The following GKAP1 variants were observed in gnomAD, a reference collection of about 807,000 sequenced individuals.
The protein encoded by GKAP1 is G kinase anchoring protein 1.
In GKAP1, 31 loss-of-function variants were observed where a neutral mutation model predicts 56.7. The observed-to-expected ratio is 0.55, with a 90% CI of 0.41 to 0.74. GKAP1 has a LOEUF of 0.74. Ranked by LOEUF, GKAP1 falls within the 30% of genes least tolerant of loss-of-function variation. The pLI is 0.00. For synonymous variants in GKAP1, 151 were observed against 138.6 expected (o/e 1.09, Z -0.63); for missense variants, 364 against 402.3 (o/e 0.90, Z 0.82).
chr9:83,770,725 G>T (rs907087069), intron 7 of GKAP1, among the ~76,000 whole-genome samples: 2 of 151,848 alleles, frequency 1.3e-5, no homozygotes, highest in Non-Finnish European at 2.9e-5. Context: ...CCACGCCCAG[G>T]TAATTTAGTA....
chr9:83,748,438 C>A, intron 9 of GKAP1, 66 bp from the exon 10 acceptor site: 3 of 870,300 alleles, frequency 3.4e-6, no homozygotes, highest in South Asian at 1.6e-5. Flanking sequence ...GATTTACTGT[C>A]AACTTACAGA....
At chr9:83,770,516 A>C (rs1943739129) in intron 7 of GKAP1, among the ~76,000 whole-genome samples, 1 of 151,150 alleles carries the variant, frequency 6.6e-6, no homozygotes, top group Non-Finnish European at 1.5e-5. Flanking sequence ...CCAGTACCAG[A>C]TTGTCTTGAT....
intron 6 of GKAP1, among the ~76,000 whole-genome samples, chr9:83,781,040 G>A (rs930137826): frequency 6.6e-5 from 10 of 152,136 alleles, no homozygotes; most frequent in African/African-American, 2.4e-4. Context: ...ATTATCAAGA[G>A]CAGAATGAGG....
intron 7 of GKAP1, among the ~76,000 whole-genome samples, chr9:83,770,849 T>C (rs1489964184): frequency 6.6e-6 from 1 of 151,764 alleles, no homozygotes; most frequent in African/African-American, 2.4e-5. Context: ...TATGAGACAC[T>C]GCGTCCGGCG....
chr9:83,802,805 A>G (rs916515104), intron 3 of GKAP1, among the ~76,000 whole-genome samples: 3 of 151,846 alleles, frequency 2.0e-5, no homozygotes, highest in East Asian at 3.9e-4. Flanking sequence ...CAGCCTGGAC[A>G]AGAGAGAGAG....
At chr9:83,813,560 GC>G (rs1227534629) in intron 2 of GKAP1, among the ~76,000 whole-genome samples, 2 of 152,102 alleles carry the variant, frequency 1.3e-5, no homozygotes, top group Non-Finnish European at 2.9e-5. Context: ...TTTGGGACCA[GC>G]CCAGGCAACA....
At position 83,748,292 on chromosome 9, in the gene GKAP1, A is replaced by C; in HGVS notation, c.904+17T>G. On this transcript the variant is annotated intron_variant, in intron 10 of 12. Coordinates refer to ENST00000376371, the MANE Select transcript of GKAP1 (RefSeq NM_025211.4). Reference sequence around the variant, plus strand: ...TTAAGATAAACTTTTAATTACAAAAACATAAAATCCACTTACTTTCACCTT... The same window carrying C: ...TTAAGATAAACTTTTAATTACAAAACCATAAAATCCACTTACTTTCACCTT... 1 of 1,543,960 alleles carries C rather than the reference A, an allele frequency of 6.5e-7. No individual in the cohort carries two copies. Among genetic ancestry groups the C allele is most frequent in the East Asian group, 2.3e-5 (1 of 44,086 alleles).
At chr9:83,803,749 G>A (rs1467197533) in intron 3 of GKAP1, among the ~76,000 whole-genome samples, 1 of 147,154 alleles carries the variant, frequency 6.8e-6, no homozygotes, top group East Asian at 2.0e-4. Flanking sequence ...CTGCCTGGCT[G>A]CCCAGTCTGG....
chr9:83,758,686 T>C (rs1454165552), intron 8 of GKAP1, among the ~76,000 whole-genome samples: 2 of 151,940 alleles, frequency 1.3e-5, no homozygotes, highest in Non-Finnish European at 2.9e-5. Context: ...GAGGTGAAGG[T>C]TGTAGTGAGC....
intron 3 of GKAP1, among the ~76,000 whole-genome samples, chr9:83,800,323 C>T (rs1587735195): frequency 6.7e-6 from 1 of 150,080 alleles, no homozygotes; most frequent in Non-Finnish European, 1.5e-5. Flanking sequence ...CTAAAGCTGC[C>T]TCCTTACGTT....
chr9:83,784,035 C>A (rs1463001521), intron 6 of GKAP1, among the ~76,000 whole-genome samples: 1 of 152,020 alleles, frequency 6.6e-6, no homozygotes, highest in Non-Finnish European at 1.5e-5. Flanking sequence ...GAGGCCAAGG[C>A]AGGCAGATCT....
chr9:83,800,158 A>T (rs1944307875), intron 3 of GKAP1, among the ~76,000 whole-genome samples: 1 of 152,136 alleles, frequency 6.6e-6, no homozygotes, highest in Non-Finnish European at 1.5e-5. Context: ...CAATAAAAAT[A>T]ATCTGAGACA....
At position 83,779,459 on chromosome 9, in the gene GKAP1, A is replaced by ACACACACACACACACACG. The variant is rs1587716959; in HGVS notation, c.585+922_585+923insCGTGTGTGTGTGTGTGTG. On this transcript the variant is annotated intron_variant, in intron 7 of 12. Transcript: ENST00000376371. ...TATATATATATATATACACACACAC[A>ACACACACACACACACACG]CACACGCACATATACATATACATAC... 4.3e-5 allele frequency among the ~76,000 whole-genome samples: 4 copies of ACACACACACACACACACG among 93,188 alleles called. 1 individual carries two copies. The East Asian group carries it at 1.3e-3, about 31-fold the overall frequency. The allele number at this position is 93,188 out of a possible 152,430, so 61.1% of individuals were successfully genotyped here. A position where few individuals can be genotyped will look rare whatever the true frequency, so the allele number is the denominator to read the frequency against.
intron 2 of GKAP1, among the ~76,000 whole-genome samples, chr9:83,813,816 C>T (rs182793258): frequency 6.6e-6 from 1 of 152,184 alleles, no homozygotes; most frequent in East Asian, 1.9e-4. Flanking sequence ...AAGATGGCAG[C>T]AGGCCACACA....
At chr9:83,743,062 C>T (rs1208333538) in intron 10 of GKAP1, among the ~76,000 whole-genome samples, 1 of 152,118 alleles carries the variant, frequency 6.6e-6, no homozygotes, top group Non-Finnish European at 1.5e-5. Flanking sequence ...ACTTGGAAGG[C>T]TGAGGCATAA....
chr9:83,743,330 C>T (rs1196263557), intron 10 of GKAP1, among the ~76,000 whole-genome samples: 1 of 152,022 alleles, frequency 6.6e-6, no homozygotes, highest in Non-Finnish European at 1.5e-5. Flanking sequence ...TATGGTAGCT[C>T]ACACCTGTAA....
intron 7 of GKAP1, among the ~76,000 whole-genome samples, chr9:83,773,723 T>C (rs1943802656): frequency 6.6e-6 from 1 of 152,188 alleles, no homozygotes; most frequent in African/African-American, 2.4e-5. Context: ...TAATATAATT[T>C]CATTTTGTTT....
At chr9:83,798,835 T>C (rs555321573) in intron 4 of GKAP1, among the ~76,000 whole-genome samples, 1 of 152,272 alleles carries the variant, frequency 6.6e-6, no homozygotes, top group Admixed American at 6.5e-5. Flanking sequence ...GCCTAGTCAC[T>C]GTGTATTTTT....
At chr9:83,804,718 A>G (rs1350414188) in intron 3 of GKAP1, among the ~76,000 whole-genome samples, 1 of 108,972 alleles carries the variant, frequency 9.2e-6, no homozygotes, top group South Asian at 3.3e-4. Flanking sequence ...TACGGGAGGG[A>G]GGTGGGGTCA....
Sources: gnomAD v4.1 joint callset for allele counts (sites outside exome capture counted in the v4.1 genomes callset) on GRCh38, gnomAD v4.1.1 for gene constraint, MANE v1.5 for transcripts, NCBI Gene and HGNC (gene_info 2026-07-23, HGNC 2026-07-21) for gene names.